CFAP54: variants seen among roughly 807,000 people sequenced by gnomAD.
CFAP54 encodes the protein cilia- and flagella-associated protein 54.
In CFAP54, 290 loss-of-function variants were observed where a neutral mutation model predicts 370.4. That is an observed-to-expected ratio of 0.78 (90% CI 0.71 to 0.86). CFAP54 has a LOEUF of 0.86. Ranked by LOEUF, CFAP54 falls within the 40% of genes least tolerant of loss-of-function variation. The probability of loss-of-function intolerance (pLI) is 0.00; values close to 1 mark genes in which losing one functional copy is unlikely to be tolerated. For synonymous variants in CFAP54, 1,206 were observed against 1,236.5 expected (o/e 0.98, Z 0.52); for missense variants, 3,399 against 3,528.7 (o/e 0.96, Z 0.93).
chr12:96,736,944 G>T (rs1957986722), intron 50 of CFAP54, among the ~76,000 whole-genome samples: 1 of 152,146 alleles, frequency 6.6e-6, no homozygotes, highest in African/African-American at 2.4e-5. Context: ...CCTGAGTTTT[G>T]AACCTGGCTC....
At chr12:96,540,754 G>A in intron 13 of CFAP54, 83 bp from the exon 14 acceptor site, 6 of 849,592 alleles carry the variant, frequency 7.1e-6, no homozygotes, top group Non-Finnish European at 9.7e-6. Context: ...TTGTTTCAAG[G>A]AAGTATAAGT....
intron 35 of CFAP54, 37 bp from the exon 36 acceptor site, chr12:96,651,551 G>T: frequency 6.5e-7 from 1 of 1,546,536 alleles, no homozygotes; most frequent in Non-Finnish European, 8.9e-7. Context: ...GTAACTTTTG[G>T]AACTTTGGGA....
At chr12:96,810,472 G>A (rs929861008) in intron 63 of CFAP54, among the ~76,000 whole-genome samples, 1 of 151,948 alleles carries the variant, frequency 6.6e-6, no homozygotes, top group Non-Finnish European at 1.5e-5. Flanking sequence ...CTAAAGATTT[G>A]GGTCTAATAA....
chr12:96,519,165 C>G, intron 6 of CFAP54, 94 bp downstream of exon 6: 2 of 1,221,158 alleles, frequency 1.6e-6, no homozygotes, highest in Non-Finnish European at 2.2e-6. Context: ...GTGATGTGAT[C>G]TCGGCTCACT....
At chr12:96,722,123 C>T (rs1430194134) in intron 50 of CFAP54, among the ~76,000 whole-genome samples, 2 of 152,168 alleles carry the variant, frequency 1.3e-5, no homozygotes, top group East Asian at 1.9e-4. Context: ...GAACTCTTAC[C>T]TCAGTGCCAC....
rs1965125860 is a variant in CFAP54, at chr12:96,619,085, A to C, written c.3640-2505A>C. 3.3e-5 allele frequency among the ~76,000 whole-genome samples: 5 copies of C among 152,192 alleles called. No individual in the cohort carries two copies. In the South Asian group the frequency reaches 1.0e-3, roughly 32 times the overall value. On this transcript the variant is annotated intron_variant, in intron 26 of 67. Transcript: ENST00000524981. The stretch of plus-strand genomic sequence containing the variant: ...TGCCATGTTGCTCAGGCTGGTCTTG[A>C]ACTCCTGAGCTCATGCAATCCACCT...
chr12:96,811,103 A>G (rs1030345220), intron 63 of CFAP54, among the ~76,000 whole-genome samples: 1 of 152,178 alleles, frequency 6.6e-6, no homozygotes, highest in African/African-American at 2.4e-5. Context: ...TAGCTTTCTT[A>G]TATCTGAAAT....
chr12:96,565,433 G>C (rs961665653), intron 19 of CFAP54, among the ~76,000 whole-genome samples: 46 of 152,070 alleles, frequency 3.0e-4, no homozygotes, highest in Non-Finnish European at 4.9e-4. Flanking sequence ...CAGACCCTTA[G>C]TATGCTGGCA....
At chr12:96,803,022 G>A (rs1958838530) in intron 63 of CFAP54, among the ~76,000 whole-genome samples, 1 of 152,110 alleles carries the variant, frequency 6.6e-6, no homozygotes, top group African/African-American at 2.4e-5. Flanking sequence ...CTTTTTAATG[G>A]CTGCATAGCA....
At position 96,729,702 on chromosome 12, in the gene CFAP54, C is replaced by T. The variant is rs906763025; in HGVS notation, c.6965+9137C>T. On this transcript the variant is annotated intron_variant, in intron 50 of 67. Transcript: ENST00000524981. ...ACGGCGCGCTGCACCCACTGTCCTGCGCCCACTGTCTGGCACTCCCTAGTG... is the reference window on the plus strand; with the variant it reads ...ACGGCGCGCTGCACCCACTGTCCTGTGCCCACTGTCTGGCACTCCCTAGTG... 3.3e-5 allele frequency among the ~76,000 whole-genome samples: 5 copies of T among 152,194 alleles called. No homozygotes were observed. In the South Asian group the frequency reaches 8.3e-4, roughly 25 times the overall value.
chr12:96,858,918 A>G (rs1382006070), intron 66 of CFAP54, among the ~76,000 whole-genome samples: 1 of 152,242 alleles, frequency 6.6e-6, no homozygotes, highest in Non-Finnish European at 1.5e-5. Context: ...AACTAAAATT[A>G]TGGAACCAAA....
intron 19 of CFAP54, among the ~76,000 whole-genome samples, chr12:96,567,601 TG>T (rs146876465): frequency 0.017 from 2,598 of 152,226 alleles, 64 homozygotes; most frequent in African/African-American, 0.06. Flanking sequence ...TGGAGGACAT[TG>T]GTACTTCAGT....
At chr12:96,715,829 A>G (rs1360892796) in intron 48 of CFAP54, among the ~76,000 whole-genome samples, 1 of 152,160 alleles carries the variant, frequency 6.6e-6, no homozygotes, top group African/African-American at 2.4e-5. Context: ...ACCCAAGAAC[A>G]TAATATATTT....
chr12:96,579,590 C>T lies in CFAP54; in HGVS notation c.2797-1007C>T, dbSNP rs17025564. Among the ~76,000 whole-genome samples the T allele has an allele frequency of 9.5e-3, 1,438 of 152,052 alleles. 57 individuals carry two copies. The East Asian group carries it at 0.097, about 10-fold the overall frequency. On this transcript the variant is annotated intron_variant, in intron 20 of 67. Coordinates refer to ENST00000524981, the MANE Select transcript of CFAP54 (RefSeq NM_001306084.2). ...TTTTTTTAGAGGCAATTGTATTTTT[C>T]CTTCTTTCTAGCTTGCCTTGTAGTT... is the stretch of plus-strand genomic sequence containing the variant.
chr12:96,822,245 G>A (rs1959042811), intron 65 of CFAP54, among the ~76,000 whole-genome samples: 1 of 152,016 alleles, frequency 6.6e-6, no homozygotes, highest in Non-Finnish European at 1.5e-5. Context: ...AAAGCATATG[G>A]AAGATGCAAA....
At chr12:96,585,805 C>G (rs1467687860) in intron 22 of CFAP54, among the ~76,000 whole-genome samples, 1 of 152,192 alleles carries the variant, frequency 6.6e-6, no homozygotes, top group African/African-American at 2.4e-5. Context: ...TGCTTTCTCC[C>G]TCTGCTTTGC....
intron 63 of CFAP54, among the ~76,000 whole-genome samples, chr12:96,811,051 A>C (rs1958923847): frequency 6.6e-6 from 1 of 152,170 alleles, no homozygotes; most frequent in South Asian, 2.1e-4. Context: ...TCTGAGCCTC[A>C]ATATGCCTAA....
intron 6 of CFAP54, among the ~76,000 whole-genome samples, chr12:96,520,014 T>A (rs1212555340): frequency 6.6e-6 from 1 of 152,154 alleles, no homozygotes; most frequent in Non-Finnish European, 1.5e-5. Flanking sequence ...TAGTACACTT[T>A]GTTTTTCTTT....
At chr12:96,691,376 T>G in intron 44 of CFAP54, 66 bp downstream of exon 44, 1 of 1,217,226 alleles carries the variant, frequency 8.2e-7, no homozygotes, top group South Asian at 1.6e-5. Context: ...CCTCATACTT[T>G]TAAAATTTTG....
Sources: allele counts gnomAD v4.1 joint callset (sites outside exome capture counted in the v4.1 genomes callset), GRCh38; gene constraint gnomAD v4.1.1; transcripts MANE v1.5; gene names NCBI Gene and HGNC (gene_info 2026-07-23, HGNC 2026-07-21).